PHACTR3: variants seen among roughly 807,000 people sequenced by gnomAD.
The protein encoded by PHACTR3 is protein phosphatase 1, regulatory subunit 123.
In PHACTR3, 16 loss-of-function variants were observed where a neutral mutation model predicts 66.8. That is an observed-to-expected ratio of 0.24 (90% confidence interval 0.16 to 0.36). The LOEUF (loss-of-function observed/expected upper bound fraction) is 0.36. PHACTR3 is among the 10% of genes least tolerant of loss of function. The pLI is 1.00. For missense variants in PHACTR3, 647 were observed against 719.9 expected, an observed-to-expected ratio of 0.90 and a Z score of 1.16; for synonymous variants, 323 against 292.1, an observed-to-expected ratio of 1.11 and a Z score of -1.08.
intron 1 of PHACTR3, among the ~76,000 whole-genome samples, chr20:59,722,836 G>A (rs1212486124): frequency 6.6e-6 from 1 of 151,998 alleles, no homozygotes; most frequent in Non-Finnish European, 1.5e-5. Flanking sequence ...GTGGGGGCAT[G>A]GGGGTGGTGG....
chr20:59,805,929 G>T, intron 7 of PHACTR3, 112 bp from the exon 8 acceptor site: 1 of 1,162,924 alleles, frequency 8.6e-7, no homozygotes, highest in Non-Finnish European at 1.2e-6. Context: ...CCATCACCCT[G>T]GTCTGGAGTC....
intron 1 of PHACTR3, among the ~76,000 whole-genome samples, chr20:59,635,451 C>T (rs1438733004): frequency 1.3e-5 from 2 of 151,644 alleles, no homozygotes; most frequent in South Asian, 2.1e-4. Context: ...TCAGGCTGGT[C>T]GTGAACTCCT....
At chr20:59,596,529 G>A (rs554746019) in intron 1 of PHACTR3, among the ~76,000 whole-genome samples, 79 of 152,314 alleles carry the variant, frequency 5.2e-4, no homozygotes, top group African/African-American at 1.8e-3. Context: ...TTTTTGTCTG[G>A]TTAATTTCAC....
chr20:59,784,702 G>A (rs954964190), intron 7 of PHACTR3, among the ~76,000 whole-genome samples: 1 of 152,166 alleles, frequency 6.6e-6, no homozygotes, highest in East Asian at 1.9e-4. Flanking sequence ...GCCTCTGAGG[G>A]TTGTCCCAAG....
chr20:59,681,166 A>G (rs1042987305), intron 1 of PHACTR3, among the ~76,000 whole-genome samples: 17 of 152,310 alleles, frequency 1.1e-4, no homozygotes, highest in Middle Eastern at 3.4e-3. Flanking sequence ...GAGACCATAG[A>G]TCCACACAAC....
chr20:59,669,666 G>A (rs1205244925), intron 1 of PHACTR3, among the ~76,000 whole-genome samples: 2 of 152,128 alleles, frequency 1.3e-5, no homozygotes, highest in Non-Finnish European at 2.9e-5. Context: ...CCTGTAACCC[G>A]CTTTCTGTTT....
At position 59,754,004 on chromosome 20, in the gene PHACTR3, C is replaced by T. The variant is rs940978376; in HGVS notation, c.359-1178C>T. On this transcript the variant is annotated intron_variant, in intron 3 of 12. Transcript: ENST00000371015. ...CCAAACGGCCACCTCGTGGCTGTGT[C>T]GACATGTGCAGGTCACACTGCCCTC... 4.6e-5 allele frequency among the ~76,000 whole-genome samples: 7 copies of T among 152,222 alleles called. No individual in the cohort carries two copies. The East Asian group carries it at 7.7e-4, about 17-fold the overall frequency.
At chr20:59,661,712 T>C (rs555099841) in intron 1 of PHACTR3, among the ~76,000 whole-genome samples, 1 of 151,718 alleles carries the variant, frequency 6.6e-6, no homozygotes, top group South Asian at 2.1e-4. Context: ...ATTTTCTGCA[T>C]GCATGTGGTC....
At position 59,653,154 on chromosome 20, in the gene PHACTR3, A is replaced by G. The variant is rs184765122; in HGVS notation, c.118+48022A>G. ...GATGGAAATAATTGAACCTAACTAT[A>G]TATCAAGTTGGTAGCTTAACCCGAG... On this transcript the variant is annotated intron_variant, in intron 1 of 12. Coordinates refer to ENST00000371015, the MANE Select transcript of PHACTR3 (RefSeq NM_080672.5). Among the ~76,000 whole-genome samples, 22 of 152,174 alleles carry G rather than the reference A, an allele frequency of 1.4e-4. No individual in the cohort carries two copies. In the East Asian group the frequency reaches 4.2e-3, roughly 29 times the overall value.
intron 1 of PHACTR3, among the ~76,000 whole-genome samples, chr20:59,702,618 G>A (rs1184566926): frequency 1.3e-5 from 2 of 152,182 alleles, no homozygotes; most frequent in Admixed American, 6.5e-5. Flanking sequence ...TGTCAGCTTC[G>A]CAGAGGGAGG....
At chr20:59,592,825 T>C (rs1281443896) in intron 1 of PHACTR3, among the ~76,000 whole-genome samples, 3 of 149,152 alleles carry the variant, frequency 2.0e-5, no homozygotes, top group Non-Finnish European at 4.4e-5. Flanking sequence ...CTTGGCTTTA[T>C]AGTTCATTTT....
upstream of PHACTR3, among the ~76,000 whole-genome samples, chr20:59,600,638 A>C (rs2033450344): frequency 6.6e-6 from 1 of 152,226 alleles, no homozygotes; most frequent in African/African-American, 2.4e-5. Flanking sequence ...GGGCAGAGGA[A>C]ACTGCCTTTG....
At chr20:59,656,516 A>G (rs1041220899) in intron 1 of PHACTR3, among the ~76,000 whole-genome samples, 3 of 151,784 alleles carry the variant, frequency 2.0e-5, no homozygotes, top group African/African-American at 7.3e-5. Context: ...CTTTACTTCA[A>G]ACTGTTTGTA....
chr20:59,672,020 C>T (rs1256471022), intron 1 of PHACTR3, among the ~76,000 whole-genome samples: 1 of 152,242 alleles, frequency 6.6e-6, no homozygotes, highest in African/African-American at 2.4e-5. Context: ...AGAGATTCTT[C>T]CCTAAGGAAG....
At chr20:59,794,024 T>TGA (rs1402120815) in intron 7 of PHACTR3, among the ~76,000 whole-genome samples, 1 of 149,020 alleles carries the variant, frequency 6.7e-6, no homozygotes, top group Non-Finnish European at 1.5e-5. Flanking sequence ...CTCGGGAGGC[T>TGA]GAGGCAGGAG....
At chr20:59,801,189 C>G (rs1215511348) in intron 7 of PHACTR3, among the ~76,000 whole-genome samples, 1 of 152,162 alleles carries the variant, frequency 6.6e-6, no homozygotes, top group Non-Finnish European at 1.5e-5. Flanking sequence ...GGTTCATATT[C>G]TCAACTCTGG....
intron 8 of PHACTR3, among the ~76,000 whole-genome samples, chr20:59,818,145 T>G (rs2041936398): frequency 6.6e-6 from 1 of 152,146 alleles, no homozygotes; most frequent in South Asian, 2.1e-4. Flanking sequence ...AGCCGCACAG[T>G]GCACCGCTGA....
chr20:59,773,985 C>T (rs2040443134), intron 6 of PHACTR3, among the ~76,000 whole-genome samples: 1 of 152,176 alleles, frequency 6.6e-6, no homozygotes, highest in South Asian at 2.1e-4. Flanking sequence ...AAGTCCTCGC[C>T]CTGAACATTG....
intron 8 of PHACTR3, among the ~76,000 whole-genome samples, chr20:59,819,693 G>A (rs554814781): frequency 6.6e-6 from 1 of 151,968 alleles, no homozygotes; most frequent in African/African-American, 2.4e-5. Flanking sequence ...GAGGCACCTG[G>A]TTGGGCCAGT....
Sources: gnomAD v4.1 joint callset for allele counts (sites outside exome capture counted in the v4.1 genomes callset) on GRCh38, gnomAD v4.1.1 for gene constraint, MANE v1.5 for transcripts, NCBI Gene and HGNC (gene_info 2026-07-23, HGNC 2026-07-21) for gene names.